The following GABRG3 variants were observed in gnomAD, a reference collection of about 807,000 sequenced individuals.
GABRG3 encodes the protein gamma-aminobutyric acid type A receptor subunit gamma3, also known as gamma-aminobutyric acid receptor subunit gamma-3.
A neutral mutation model predicts 48.8 loss-of-function variants in GABRG3; 25 were observed. The observed-to-expected ratio is 0.51, with a 90% confidence interval of 0.37 to 0.72. The LOEUF is 0.72. GABRG3 is among the 30% of genes least tolerant of loss of function. GABRG3 has a pLI of 0.00. For missense variants in GABRG3, 394 were observed against 577.9 expected, an observed-to-expected ratio of 0.68 and a Z score of 3.26; for synonymous variants, 227 against 217.6, an observed-to-expected ratio of 1.04 and a Z score of -0.38.
intron 3 of GABRG3, among the ~76,000 whole-genome samples, chr15:27,255,095 C>T (rs569078247): frequency 3.6e-4 from 55 of 152,332 alleles, no homozygotes; most frequent in Non-Finnish European, 7.1e-4. Flanking sequence ...TAGACTCCTT[C>T]CTGCTCCCAG....
At chr15:27,456,622 T>C (rs1465324901) in intron 5 of GABRG3, among the ~76,000 whole-genome samples, 1 of 152,128 alleles carries the variant, frequency 6.6e-6, no homozygotes, top group Non-Finnish European at 1.5e-5. Context: ...GGAAGGAGGA[T>C]GTCTTCCCAA....
At chr15:26,978,583 C>CTA (rs1894994138) in intron 2 of GABRG3, among the ~76,000 whole-genome samples, 1 of 152,144 alleles carries the variant, frequency 6.6e-6, no homozygotes. Flanking sequence ...GTTGGAGAGA[C>CTA]TATCCTTCCT....
At chr15:27,030,870 T>C (rs1178240991) in intron 3 of GABRG3, among the ~76,000 whole-genome samples, 1 of 152,090 alleles carries the variant, frequency 6.6e-6, no homozygotes, top group Admixed American at 6.6e-5. Flanking sequence ...TCCTAGTCAA[T>C]ATGGACACAC....
Position 27,539,550 on chromosome 15 carries a change from T to C in GABRG3, c.*6669T>C, listed in dbSNP as rs1035520590. On this transcript the variant is annotated 3_prime_UTR_variant, in exon 10 of 10. Transcript: ENST00000615808. ...TTTCAGGAGCAAATGATGACTGCTTTGATTTGGTTAGGCTTTCTTACAACA... is the reference window on the plus strand; with the variant it reads ...TTTCAGGAGCAAATGATGACTGCTTCGATTTGGTTAGGCTTTCTTACAACA... The C allele has an allele frequency of 6.6e-6, 1 of 152,200 alleles. No individual in the cohort carries two copies. Among genetic ancestry groups the C allele is most frequent in the Non-Finnish European group, 1.5e-5 (1 of 68,034 alleles). The allele number at this position is 152,200 out of a possible 1,614,324, so 9.4% of individuals were successfully genotyped here. A position where few individuals can be genotyped will look rare whatever the true frequency, so the allele number is the denominator to read the frequency against.
chr15:27,316,120 C>T (rs545589621), intron 3 of GABRG3, among the ~76,000 whole-genome samples: 1 of 152,242 alleles, frequency 6.6e-6, no homozygotes, highest in South Asian at 2.1e-4. Context: ...CGCGGTGGCT[C>T]ACGCCTGTAA....
At position 27,388,658 on chromosome 15, in the gene GABRG3, C is replaced by T. The variant is rs149023988; in HGVS notation, c.574+59770C>T. ...TGATTGGCTGTGTTATCTTACCCCA[C>T]AATGCATTAAAACAGGTCTGTTAAT... On this transcript the variant is annotated intron_variant, in intron 5 of 9. Transcript: ENST00000615808. Among the ~76,000 whole-genome samples, 337 of 152,210 alleles carry T rather than the reference C, an allele frequency of 2.2e-3. 2 individuals carry two copies. The highest frequency in any genetic ancestry group is 7.5e-3 in the African/African-American group (312 of 41,522).
intron 3 of GABRG3, among the ~76,000 whole-genome samples, chr15:27,227,335 A>G (rs893505127): frequency 4.6e-5 from 7 of 152,080 alleles, no homozygotes; most frequent in Non-Finnish European, 7.4e-5. Flanking sequence ...CTCCAAAAAC[A>G]GAAAAGTTAC....
At chr15:27,144,567 A>C (rs1295435022) in intron 3 of GABRG3, among the ~76,000 whole-genome samples, 1 of 152,202 alleles carries the variant, frequency 6.6e-6, no homozygotes, top group African/African-American at 2.4e-5. Flanking sequence ...AAAGCTCACC[A>C]AAAAATTCAA....
At chr15:27,266,487 G>C (rs1213313003) in intron 3 of GABRG3, among the ~76,000 whole-genome samples, 1 of 152,070 alleles carries the variant, frequency 6.6e-6, no homozygotes, top group Non-Finnish European at 1.5e-5. Flanking sequence ...CTGCACATTT[G>C]TTCTTCTCTT....
intron 5 of GABRG3, among the ~76,000 whole-genome samples, chr15:27,420,041 G>A (rs1013183005): frequency 1.4e-4 from 22 of 152,262 alleles, no homozygotes; most frequent in African/African-American, 5.3e-4. Flanking sequence ...AGGCTGTGAA[G>A]AACACCAAGG....
intron 3 of GABRG3, among the ~76,000 whole-genome samples, chr15:27,101,570 G>A (rs1897357889): frequency 6.6e-6 from 1 of 152,124 alleles, no homozygotes; most frequent in African/African-American, 2.4e-5. Flanking sequence ...AGACAGTGTG[G>A]TATGGCAGAG....
intron 3 of GABRG3, among the ~76,000 whole-genome samples, chr15:27,086,349 TG>T (rs980898626): frequency 2.6e-5 from 4 of 151,936 alleles, no homozygotes; most frequent in Non-Finnish European, 5.9e-5. Context: ...CAGCATGGGT[TG>T]TGGGGGAGGT....
intron 3 of GABRG3, among the ~76,000 whole-genome samples, chr15:27,133,114 GT>G (rs1024644192): frequency 1.3e-5 from 2 of 151,760 alleles, no homozygotes; most frequent in Non-Finnish European, 2.9e-5. Context: ...GATTTTTTAA[GT>G]TTTTTTCTGC....
chr15:27,148,475 A>G (rs1449955801), intron 3 of GABRG3, among the ~76,000 whole-genome samples: 1 of 152,002 alleles, frequency 6.6e-6, no homozygotes, highest in East Asian at 1.9e-4. Context: ...TTGAAGAGAA[A>G]GGAATGCTTC....
At chr15:27,067,923 C>T (rs746984546) in intron 3 of GABRG3, among the ~76,000 whole-genome samples, 9 of 152,164 alleles carry the variant, frequency 5.9e-5, no homozygotes, top group Non-Finnish European at 1.3e-4. Context: ...ATACTTTGAA[C>T]ATGAAAAGTT....
chr15:27,141,220 G>A (rs1310769567), intron 3 of GABRG3, among the ~76,000 whole-genome samples: 4 of 152,084 alleles, frequency 2.6e-5, no homozygotes, highest in African/African-American at 4.8e-5. Flanking sequence ...GAATTAGACC[G>A]CTTTGTCTAG....
intron 3 of GABRG3, among the ~76,000 whole-genome samples, chr15:27,043,682 A>G (rs1282136359): frequency 6.6e-6 from 1 of 152,074 alleles, no homozygotes; most frequent in Admixed American, 6.5e-5. Flanking sequence ...GAATTGTCCT[A>G]ATTTTTGTCT....
chr15:27,044,727 T>C (rs1397422289), intron 3 of GABRG3, among the ~76,000 whole-genome samples: 1 of 152,198 alleles, frequency 6.6e-6, no homozygotes, highest in Non-Finnish European at 1.5e-5. Flanking sequence ...AGTCAAACAA[T>C]GTTAATGGAC....
chr15:27,216,470 C>T (rs1261978737), intron 3 of GABRG3, among the ~76,000 whole-genome samples: 1 of 152,140 alleles, frequency 6.6e-6, no homozygotes, highest in African/African-American at 2.4e-5. Context: ...AAGGCAGGAC[C>T]GTTGCCCTGG....
Sources: allele counts gnomAD v4.1 joint callset (sites outside exome capture counted in the v4.1 genomes callset), GRCh38; gene constraint gnomAD v4.1.1; transcripts MANE v1.5; gene names NCBI Gene and HGNC (gene_info 2026-07-23, HGNC 2026-07-21).